The following POLR3A variants were observed in gnomAD, a reference collection of about 807,000 sequenced individuals.
POLR3A encodes DNA-directed RNA polymerase III subunit RPC1.
Under a neutral mutation model 152.8 loss-of-function variants are expected in POLR3A, and 112 were observed. That is an observed-to-expected ratio of 0.73 (90% CI 0.63 to 0.86). POLR3A has a LOEUF of 0.86. Among genes scored for constraint, POLR3A ranks in the 40% least tolerant of loss-of-function variants. The probability of loss-of-function intolerance (pLI) is 0.00; values close to 1 mark genes in which losing one functional copy is unlikely to be tolerated. For missense variants in POLR3A, 1,385 were observed against 1,743.1 expected (o/e 0.79, Z 3.66); for synonymous variants, 615 against 652.1 (o/e 0.94, Z 0.87).
intron 10 of POLR3A, among the ~76,000 whole-genome samples, chr10:78,015,271 G>A (rs1328102781): frequency 6.6e-6 from 1 of 152,138 alleles, no homozygotes; most frequent in Non-Finnish European, 1.5e-5. Flanking sequence ...GCATATAGAG[G>A]ATGGGAATAT....
chr10:78,026,225 G>A lies in POLR3A; in HGVS notation c.49C>T (p.His17Tyr). ...GGTGACTTCATTCCAAAACAGATGT[G>A]GCTTCTGGAATGGGAAGAAAAAGGT... ...RETDVAKKIS[H>Y]ICFGMKSPEE... Residue 17 changes from histidine (H) to tyrosine (Y), a missense_variant, in exon 2 of 31, where the codon CAC (histidine) becomes TAC (tyrosine). His to Tyr is a moderately conservative substitution (Grantham distance 83, BLOSUM62 2). Around this residue, in one of 7 missense-constraint regions of POLR3A, gnomAD observed 493 missense variants for 647.5 expected, o/e 0.76. Transcript: ENST00000372371. The A allele has an allele frequency of 1.9e-6, 3 of 1,614,192 alleles. No individual in the cohort carries two copies. Among genetic ancestry groups the A allele is most frequent in the Non-Finnish European group, 2.5e-6 (3 of 1,180,030 alleles).
chr10:77,998,092 G>C (rs1284699805), intron 19 of POLR3A, among the ~76,000 whole-genome samples: 7 of 151,904 alleles, frequency 4.6e-5, no homozygotes, highest in East Asian at 1.9e-4. Flanking sequence ...GGAAAACTGG[G>C]TAGTCATATG....
intron 1 of POLR3A, among the ~76,000 whole-genome samples, chr10:78,027,417 T>G (rs1366581631): frequency 6.6e-6 from 1 of 152,138 alleles, no homozygotes; most frequent in African/African-American, 2.4e-5. Flanking sequence ...CCCAGCACTT[T>G]GGGAGGCCAA....
chr10:77,999,573 T>C (rs558517459), intron 19 of POLR3A, among the ~76,000 whole-genome samples: 1 of 152,286 alleles, frequency 6.6e-6, no homozygotes, highest in South Asian at 2.1e-4. Context: ...AGCACTGGAA[T>C]AGGTCATTAG....
chr10:77,987,684 G>A (rs1296217331), intron 21 of POLR3A, among the ~76,000 whole-genome samples: 1 of 152,138 alleles, frequency 6.6e-6, no homozygotes, highest in Non-Finnish European at 1.5e-5. Flanking sequence ...TCCTAACCTT[G>A]CAAAAAGAAA....
intron 9 of POLR3A, among the ~76,000 whole-genome samples, chr10:78,018,392 G>A (rs989036352): frequency 1.3e-5 from 2 of 151,448 alleles, no homozygotes; most frequent in East Asian, 1.9e-4. Flanking sequence ...CCAGCTACTC[G>A]GGTGACTGAG....
intron 29 of POLR3A, 135 bp downstream of exon 29, chr10:77,981,293 G>A: frequency 1.1e-6 from 1 of 925,582 alleles, no homozygotes; most frequent in South Asian, 1.3e-5. Context: ...TTTGAGCAAT[G>A]TTCACATCTT....
Position 77,977,500 on chromosome 10 carries a change from A to C in POLR3A, c.4151T>G (p.Phe1384Cys), listed in dbSNP as rs1341931109. The C allele has an allele frequency of 6.2e-7, 1 of 1,613,974 alleles. No individual in the cohort carries two copies. Among genetic ancestry groups the C allele is most frequent in the Non-Finnish European group, 8.5e-7 (1 of 1,179,996 alleles). The change falls in exon 31 of 31, where the codon TTC becomes TGC. Residue 1384 changes from phenylalanine to cysteine, a missense_variant. Phe to Cys is a radical substitution (Grantham distance 205). Around this residue, in one of 7 missense-constraint regions of POLR3A, gnomAD observed 332 missense variants for 400.1 expected, o/e 0.83. Coordinates refer to ENST00000372371, the MANE Select transcript of POLR3A (RefSeq NM_007055.4). Reference sequence around the variant, plus strand: ...GGACTATGTGACAAGGGGGATGTGGAATTCATTTGTGTCGAAGATCAGGGG... The same window carrying C: ...GGACTATGTGACAAGGGGGATGTGGCATTCATTTGTGTCGAAGATCAGGGG... ...KRPLIFDTNE[F>C]HIPLVT is the part of the protein sequence containing the mutation.
intron 21 of POLR3A, among the ~76,000 whole-genome samples, chr10:77,989,894 G>C (rs918134055): frequency 9.9e-5 from 15 of 152,090 alleles, no homozygotes; most frequent in African/African-American, 2.9e-4. Flanking sequence ...ACAGACAAAG[G>C]CACCCAGCCT....
Position 78,009,651 on chromosome 10 carries a change from G to T in POLR3A, c.1795C>A (p.Gln599Lys), listed in dbSNP as rs1190946400. 1.9e-6 allele frequency: 3 copies of T among 1,614,040 alleles called. No individual in the cohort carries two copies. Among genetic ancestry groups the T allele is most frequent in the Non-Finnish European group, 2.5e-6 (3 of 1,180,048 alleles). ...LKPVTLWTGK[Q>K]IFSVILRPSD... Reference sequence around the variant, plus strand: ...GGCCTGAGGATGACACTGAAGATCTGCTTTCCCGTCCACAGGGTGACAGGC... The same window carrying T: ...GGCCTGAGGATGACACTGAAGATCTTCTTTCCCGTCCACAGGGTGACAGGC... Residue 599 changes from glutamine (Q) to lysine (K), a missense_variant, in exon 14 of 31, where the codon CAG (glutamine) becomes AAG (lysine). By Grantham distance (53) the Gln-to-Lys change is moderately conservative (BLOSUM62 1). Around this residue, in one of 7 missense-constraint regions of POLR3A, gnomAD observed 188 missense variants for 179.9 expected, o/e 1.04. Coordinates refer to ENST00000372371, the MANE Select transcript of POLR3A (RefSeq NM_007055.4).
chr10:77,985,884 A>G lies in POLR3A; in HGVS notation c.3071+19T>C. Reference sequence around the variant, plus strand: ...GACCTATGTGGATGACCGTCAGTCCAAGACAAAAGCATCCCTACCTCATGT... The same window carrying G: ...GACCTATGTGGATGACCGTCAGTCCGAGACAAAAGCATCCCTACCTCATGT... On this transcript the variant is annotated intron_variant, in intron 23 of 30. Transcript: ENST00000372371. The G allele has an allele frequency of 6.3e-7, 1 of 1,597,870 alleles. No individual in the cohort carries two copies. Among genetic ancestry groups the G allele is most frequent in the Non-Finnish European group, 8.6e-7 (1 of 1,165,162 alleles).
chr10:78,015,062 T>A (rs1364560578), intron 10 of POLR3A, among the ~76,000 whole-genome samples: 1 of 152,150 alleles, frequency 6.6e-6, no homozygotes, highest in Non-Finnish European at 1.5e-5. Context: ...AATGGGGAAA[T>A]CTGAATATGA....
rs76597079 is a variant in POLR3A, at chr10:77,981,203, G to C, written c.3891+225C>G. On this transcript the variant is annotated intron_variant, in intron 29 of 30. Transcript: ENST00000372371. ...TCCAGCTCTCTTCACTCCACCGACT[G>C]GGTATGAGTTTGCCATGAGGCTGTA... Among the ~76,000 whole-genome samples the C allele has an allele frequency of 0.04, 6,155 of 152,222 alleles. 291 individuals are homozygous for C. Among genetic ancestry groups the C allele is most frequent in the East Asian group, 0.22 (1,157 of 5,164 alleles).
In POLR3A at chr10:77,977,088, CAGGCCTGGCTCATCGTCAGGT is replaced by C. The variant is rs1847096188; in HGVS notation, c.*369_*389del. ...AATGTGCCCTGGCCTGTGTGGGGCT[CAGGCCTGGCTCATCGTCAGGT>C]GTGAAGACACCATGGGGAGCCGATG... On this transcript the variant is annotated 3_prime_UTR_variant, in exon 31 of 31. Coordinates refer to ENST00000372371, the MANE Select transcript of POLR3A (RefSeq NM_007055.4). 3.8e-6 allele frequency: 1 copy of C among 261,740 alleles called. No homozygotes were observed. Among genetic ancestry groups the C allele is most frequent in the East Asian group, 9.1e-5 (1 of 11,040 alleles). 16.2% of individuals were successfully genotyped at this position (261,740 alleles called of 1,614,324 possible).
At chr10:77,999,960 G>C (rs1307425895) in intron 19 of POLR3A, 21 bp downstream of exon 19, 16 of 1,612,592 alleles carry the variant, frequency 9.9e-6, no homozygotes, top group Non-Finnish European at 1.4e-5. Context: ...GTTGCTAATG[G>C]CCTACATTTC....
Position 78,025,070 on chromosome 10 carries a change from T to C in POLR3A, c.391A>G (p.Arg131Gly). ...TTCTGAAGGTAGGTCAGGCCGGGCCTCTTTAGATAGTCCAGAAACTGCTTC... is the reference window on the plus strand; with the variant it reads ...TTCTGAAGGTAGGTCAGGCCGGGCCCCTTTAGATAGTCCAGAAACTGCTTC... The part of the protein sequence containing the change: ...EKKQFLDYLK[R>G]PGLTYLQKRG... Residue 131 changes from arginine to glycine, a missense_variant, in exon 4 of 31, where the codon AGG becomes GGG. This residue lies in a region of POLR3A where 493 missense variants were observed against 647.5 expected (regional missense o/e 0.76). Coordinates refer to ENST00000372371, the MANE Select transcript of POLR3A (RefSeq NM_007055.4). The C allele has an allele frequency of 6.2e-7, 1 of 1,614,218 alleles. No individual in the cohort carries two copies.
chr10:78,021,042 A>G (rs1847574174), intron 8 of POLR3A, among the ~76,000 whole-genome samples: 1 of 152,080 alleles, frequency 6.6e-6, no homozygotes, highest in Admixed American at 6.6e-5. Flanking sequence ...ATCTTGGCTC[A>G]CAACCTCCAC....
At chr10:78,003,827 T>C (rs1158842334) in intron 16 of POLR3A, among the ~76,000 whole-genome samples, 1 of 151,456 alleles carries the variant, frequency 6.6e-6, no homozygotes, top group East Asian at 1.9e-4. Context: ...ACTTAGGATG[T>C]TGAGGCAGGG....
Position 77,980,190 on chromosome 10 carries a change from A to G in POLR3A, c.3975T>C (p.Ala1325=), listed in dbSNP as rs1199270049. 1.2e-6 allele frequency: 2 copies of G among 1,614,006 alleles called. No individual in the cohort carries two copies. The highest frequency in any genetic ancestry group is 2.2e-5 in the South Asian group (2 of 91,078). The change falls in exon 30 of 31, where the codon GCT becomes GCC. Residue 1325 remains alanine (A), a synonymous_variant. Coordinates refer to ENST00000372371, the MANE Select transcript of POLR3A (RefSeq NM_007055.4). ...VLMLASFEKT[A]DHLFDAAYFG... ...AGTAGGCAGCGTCAAAGAGATGGTC[A>G]GCCGTCTTCTCAAAGGAGGCCAGCA...
Sources: allele counts gnomAD v4.1 joint callset (sites outside exome capture counted in the v4.1 genomes callset), GRCh38; gene constraint gnomAD v4.1.1; regional missense constraint gnomAD v4.1.1; transcripts MANE v1.5; gene names NCBI Gene and HGNC (gene_info 2026-07-23, HGNC 2026-07-21).